The following MYO18B variants were observed in gnomAD, a reference collection of about 807,000 sequenced individuals.
MYO18B encodes myosin XVIIIB.
A neutral mutation model predicts 273.0 loss-of-function variants in MYO18B; 204 were observed. The observed-to-expected ratio is 0.75, with a 90% CI of 0.67 to 0.84. The LOEUF (loss-of-function observed/expected upper bound fraction) is 0.84. MYO18B is among the 40% of genes least tolerant of loss of function. The pLI is 0.00. For missense variants in MYO18B, 3,212 were observed against 3,287.6 expected (o/e 0.98, Z 0.56); for synonymous variants, 1,330 against 1,305.7 (o/e 1.02, Z -0.40).
intron 22 of MYO18B, among the ~76,000 whole-genome samples, chr22:25,872,872 G>A (rs866872358): frequency 9.2e-5 from 14 of 152,158 alleles, no homozygotes; most frequent in East Asian, 3.8e-4. Flanking sequence ...CCAGATAACC[G>A]CCTCTGGGAT....
intron 37 of MYO18B, 77 bp from the exon 38 acceptor site, chr22:25,952,209 C>T: frequency 6.6e-7 from 1 of 1,516,900 alleles, no homozygotes; most frequent in East Asian, 2.4e-5. Flanking sequence ...CCCACCCTCC[C>T]AGGCTGGGTC....
intron 21 of MYO18B, among the ~76,000 whole-genome samples, chr22:25,862,593 C>T (rs900622617): frequency 1.1e-4 from 16 of 152,232 alleles, no homozygotes; most frequent in Admixed American, 5.2e-4. Context: ...TTGCCAGATA[C>T]GGAATTCCTG....
At chr22:25,945,695 G>C (rs530320285) in intron 34 of MYO18B, among the ~76,000 whole-genome samples, 29 of 90,496 alleles carry the variant, frequency 3.2e-4, no homozygotes, top group Non-Finnish European at 5.3e-4. Context: ...CTCTCCCCTC[G>C]CCTCCCCTCT....
intron 3 of MYO18B, 53 bp from the exon 4 acceptor site, chr22:25,768,062 A>G: frequency 7.0e-7 from 1 of 1,428,988 alleles, no homozygotes; most frequent in Non-Finnish European, 9.5e-7. Context: ...TGAATGACAA[A>G]GCTGTCAGGT....
intron 34 of MYO18B, among the ~76,000 whole-genome samples, chr22:25,945,588 T>G (rs989269211): frequency 6.6e-6 from 1 of 151,922 alleles, no homozygotes; most frequent in Non-Finnish European, 1.5e-5. Context: ...TGTGAAGACA[T>G]GAGGGCCGCC....
chr22:25,976,205 T>C (rs1038742589), intron 39 of MYO18B, among the ~76,000 whole-genome samples: 3 of 152,186 alleles, frequency 2.0e-5, no homozygotes, highest in African/African-American at 7.2e-5. Context: ...CACAAAGAAT[T>C]ATCTGCTCCC....
intron 39 of MYO18B, among the ~76,000 whole-genome samples, chr22:25,969,203 G>A (rs1271066377): frequency 1.3e-5 from 2 of 152,204 alleles, no homozygotes; most frequent in African/African-American, 4.8e-5. Flanking sequence ...GTTGGAGAGA[G>A]GGTTTCAAAG....
the MYO18B span, among the ~76,000 whole-genome samples, chr22:26,062,570 G>A: frequency 6.6e-6 from 1 of 152,116 alleles, no homozygotes; most frequent in African/African-American, 2.4e-5. Flanking sequence ...TGACTCCCTA[G>A]TTACATGAGC....
At chr22:25,830,394 G>A (rs555264453) in intron 15 of MYO18B, among the ~76,000 whole-genome samples, 2 of 152,274 alleles carry the variant, frequency 1.3e-5, no homozygotes, top group South Asian at 4.1e-4. Context: ...TTCGGTTGTT[G>A]CTCACAAGTG....
chr22:25,876,092 T>G, intron 23 of MYO18B, 97 bp from the exon 24 acceptor site: 2 of 1,214,478 alleles, frequency 1.6e-6, no homozygotes, highest in South Asian at 2.9e-5. Context: ...ATAACCCCAC[T>G]TCCTCCAGCC....
chr22:25,774,370 C>T (rs2086836976), intron 7 of MYO18B, among the ~76,000 whole-genome samples: 1 of 152,200 alleles, frequency 6.6e-6, no homozygotes, highest in Non-Finnish European at 1.5e-5. Context: ...CAGCCCAAGG[C>T]CTCTGAGCTG....
At chr22:25,846,346 G>A in intron 19 of MYO18B, 63 bp downstream of exon 19, 2 of 1,556,430 alleles carry the variant, frequency 1.3e-6, no homozygotes, top group Non-Finnish European at 1.7e-6. Context: ...ATCTCCTCTG[G>A]GCTGAGTCAT....
intron 13 of MYO18B, among the ~76,000 whole-genome samples, chr22:25,825,843 T>C (rs1301449379): frequency 6.6e-6 from 1 of 152,210 alleles, no homozygotes; most frequent in Non-Finnish European, 1.5e-5. Context: ...AGTGAAATTA[T>C]TAGGTCCCAG....
At chr22:25,790,007 GC>G (rs1273100421) in intron 11 of MYO18B, among the ~76,000 whole-genome samples, 4 of 152,136 alleles carry the variant, frequency 2.6e-5, no homozygotes, top group Non-Finnish European at 5.9e-5. Flanking sequence ...ACAAAAATTA[GC>G]CGGACGTGGT....
At chr22:25,746,766 C>T (rs1167035115) in intron 1 of MYO18B, among the ~76,000 whole-genome samples, 2 of 152,186 alleles carry the variant, frequency 1.3e-5, no homozygotes, top group Non-Finnish European at 2.9e-5. Flanking sequence ...AACAAGCCAC[C>T]TGTGGCTAGT....
chr22:25,946,306 C>A, intron 35 of MYO18B, 56 bp downstream of exon 35: 1 of 1,258,646 alleles, frequency 7.9e-7, no homozygotes, highest in Non-Finnish European at 1.1e-6. Context: ...CCTCTGGGAG[C>A]TAGTGTGGGC....
chr22:25,812,361 C>T (rs1310332236), intron 12 of MYO18B, among the ~76,000 whole-genome samples: 1 of 152,184 alleles, frequency 6.6e-6, no homozygotes, highest in African/African-American at 2.4e-5. Context: ...TCCCTTCCTT[C>T]TCCACCTCCA....
chr22:25,848,562 A>G (rs570861330), intron 20 of MYO18B, among the ~76,000 whole-genome samples: 1 of 152,306 alleles, frequency 6.6e-6, no homozygotes, highest in African/African-American at 2.4e-5. Flanking sequence ...GGTTATCACC[A>G]GGTCCACCTG....
chr22:25,985,003 G>A (rs997594316), intron 39 of MYO18B, among the ~76,000 whole-genome samples: 5 of 152,140 alleles, frequency 3.3e-5, no homozygotes, highest in Non-Finnish European at 7.3e-5. Context: ...TTGGGTATTT[G>A]CTGACCCTTT....
Sources: allele counts gnomAD v4.1 joint callset (sites outside exome capture counted in the v4.1 genomes callset), GRCh38; gene constraint gnomAD v4.1.1; transcripts MANE v1.5; gene names NCBI Gene and HGNC (gene_info 2026-07-23, HGNC 2026-07-21).